Variants in ADGRA3 observed in about 807,000 individuals in gnomAD.
ADGRA3 encodes G-protein coupled receptor 125.
Under a neutral mutation model 119.8 loss-of-function variants are expected in ADGRA3, and 56 were observed. The ratio of observed to expected loss-of-function variants is 0.47; its 90% CI spans 0.38 to 0.58. The LOEUF is 0.58. ADGRA3 is among the 20% of genes least tolerant of loss of function. The probability of loss-of-function intolerance (pLI) is 0.00; values close to 1 mark genes in which losing one functional copy is unlikely to be tolerated. For missense variants in ADGRA3, 1,516 were observed against 1,649.0 expected (o/e 0.92, Z 1.40); for synonymous variants, 607 against 623.8 (o/e 0.97, Z 0.40).
chr4:22,465,935 C>A (rs1232815229), intron 2 of ADGRA3, among the ~76,000 whole-genome samples: 1 of 152,162 alleles, frequency 6.6e-6, no homozygotes, highest in Non-Finnish European at 1.5e-5. Flanking sequence ...TAACCCCCAC[C>A]CTTCCAATTA....
At position 22,413,376 on chromosome 4, in the gene ADGRA3, C is replaced by A. The variant is rs1445920836; in HGVS notation, c.2038G>T (p.Asp680Tyr). ...ACATTAACAGGGATGTGGTGGGTATCTACATTCACACCATCTGGAGAAAAT... is the reference window on the plus strand; with the variant it reads ...ACATTAACAGGGATGTGGTGGGTATATACATTCACACCATCTGGAGAAAAT... Reference protein sequence around the residue: ...ILTKIDGVNVDTHHIPVNVTL... With the variant: ...ILTKIDGVNVYTHHIPVNVTL... Residue 680 changes from aspartate (D) to tyrosine (Y), a missense_variant, in exon 14 of 19, where the codon GAT (aspartate) becomes TAT (tyrosine). Physicochemically the swap from Asp to Tyr is radical, Grantham distance 160. Transcript: ENST00000334304. 2 of 1,612,216 alleles carry A rather than the reference C, an allele frequency of 1.2e-6. No homozygotes were observed. The highest frequency in any genetic ancestry group is 4.5e-5 in the East Asian group (2 of 44,860).
chr4:22,434,171 T>C (rs1716301738), intron 10 of ADGRA3, among the ~76,000 whole-genome samples: 1 of 143,262 alleles, frequency 7.0e-6, no homozygotes, highest in Non-Finnish European at 1.5e-5. Flanking sequence ...AAATATGTAA[T>C]ATACATTAGA....
At chr4:22,500,800 T>G (rs768258262) in intron 1 of ADGRA3, among the ~76,000 whole-genome samples, 3 of 152,126 alleles carry the variant, frequency 2.0e-5, no homozygotes, top group African/African-American at 7.2e-5. Context: ...CTGAGTAAAG[T>G]AGATGATCCT....
At position 22,401,461 on chromosome 4, in the gene ADGRA3, G is replaced by C. The variant is rs776861694; in HGVS notation, c.2451C>G (p.Thr817=). The change falls in exon 16 of 19, where the codon ACC becomes ACG. Residue 817 remains threonine, a synonymous_variant. Transcript: ENST00000334304. ...GGCAGATGCTGGCATTCCTAGTCTGGGTTATTCCTCCCACAAAGACCACAC... is the reference window on the plus strand; with the variant it reads ...GGCAGATGCTGGCATTCCTAGTCTGCGTTATTCCTCCCACAAAGACCACAC... The part of the protein sequence containing the change: ...LTCVVFVGGI[T]QTRNASICQA... The C allele has an allele frequency of 5.6e-6, 9 of 1,610,184 alleles. No homozygotes were observed. In the Admixed American group the frequency reaches 1.5e-4, roughly 27 times the overall value.
At chr4:22,431,770 T>C (rs527662948) in intron 10 of ADGRA3, among the ~76,000 whole-genome samples, 25 of 152,288 alleles carry the variant, frequency 1.6e-4, no homozygotes, top group Non-Finnish European at 3.1e-4. Flanking sequence ...AATGGGTAAA[T>C]AATTGTCTTG....
chr4:22,444,843 A>C, intron 6 of ADGRA3, 130 bp downstream of exon 6: 1 of 888,640 alleles, frequency 1.1e-6, no homozygotes. Context: ...AATATTATCA[A>C]ATCCATAATG....
chr4:22,453,990 A>G (rs186020682), intron 4 of ADGRA3, among the ~76,000 whole-genome samples: 8 of 152,164 alleles, frequency 5.3e-5, no homozygotes, highest in African/African-American at 1.2e-4. Context: ...CCTCCCGAGT[A>G]GCTGGGACTA....
chr4:22,426,274 G>A (rs1715929306), intron 10 of ADGRA3, among the ~76,000 whole-genome samples: 1 of 152,038 alleles, frequency 6.6e-6, no homozygotes, highest in East Asian at 1.9e-4. Context: ...ATTAAAATAA[G>A]TTTTCTGACT....
chr4:22,445,924 T>G (rs1389542540), intron 5 of ADGRA3, among the ~76,000 whole-genome samples: 2 of 152,220 alleles, frequency 1.3e-5, no homozygotes, highest in Non-Finnish European at 2.9e-5. Flanking sequence ...TACTAAGCAC[T>G]GACTATTCAT....
In ADGRA3 at chr4:22,387,850, A is replaced by G. The variant is rs1713906468; in HGVS notation, c.3821T>C (p.Leu1274Pro). 6.2e-7 allele frequency: 1 copy of G among 1,614,150 alleles called. No homozygotes were observed. Among genetic ancestry groups the G allele is most frequent in the Non-Finnish European group, 8.5e-7 (1 of 1,180,002 alleles). ...GCCATAAGATTTTTGCTGATTTTCA[A>G]GTTCAACCACAGCTGGCTTCCTTAA... Reference protein sequence around the residue: ...DALRKPAVVELENQQKSYGLN... With the variant: ...DALRKPAVVEPENQQKSYGLN... Residue 1274 changes from leucine (L) to proline (P), a missense_variant, in exon 19 of 19, where the codon CTT becomes CCT. Physicochemically the swap from Leu to Pro is moderately conservative, Grantham distance 98. Coordinates refer to ENST00000334304, the MANE Select transcript of ADGRA3 (RefSeq NM_145290.4).
chr4:22,464,192 A>G (rs765852061), intron 2 of ADGRA3, among the ~76,000 whole-genome samples: 6 of 152,212 alleles, frequency 3.9e-5, no homozygotes, highest in Non-Finnish European at 7.3e-5. Context: ...TCTGATTACC[A>G]TCACTGGGTA....
At chr4:22,487,220 A>G (rs1393642193) in intron 1 of ADGRA3, among the ~76,000 whole-genome samples, 3 of 152,166 alleles carry the variant, frequency 2.0e-5, no homozygotes, top group Non-Finnish European at 1.5e-5. Context: ...GTATTTTTAA[A>G]TGAGCAAAAT....
At chr4:22,405,464 T>A (rs11722188) in intron 14 of ADGRA3, among the ~76,000 whole-genome samples, 25,861 of 151,600 alleles carry the variant, frequency 0.17, 2,347 homozygotes, top group Middle Eastern at 0.2. Flanking sequence ...GAGGATCACT[T>A]GAGCCAGGGA....
intron 16 of ADGRA3, among the ~76,000 whole-genome samples, chr4:22,400,439 A>T (rs1031086661): frequency 6.6e-6 from 1 of 152,194 alleles, no homozygotes; most frequent in African/African-American, 2.4e-5. Flanking sequence ...AAGTAAGTCA[A>T]TGAAGGACAA....
chr4:22,395,369 T>TATAG (rs1714307312), intron 16 of ADGRA3, among the ~76,000 whole-genome samples: 1 of 152,186 alleles, frequency 6.6e-6, no homozygotes, highest in Admixed American at 6.5e-5. Context: ...AATACAAGCA[T>TATAG]ATAGATGATG....
At chr4:22,466,051 C>T (rs531157916) in intron 2 of ADGRA3, among the ~76,000 whole-genome samples, 1 of 152,230 alleles carries the variant, frequency 6.6e-6, no homozygotes, top group South Asian at 2.1e-4. Context: ...TTGAAGTGAT[C>T]TTTTTAAACA....
At chr4:22,513,950 G>C (rs1719549981) in intron 1 of ADGRA3, among the ~76,000 whole-genome samples, 1 of 149,368 alleles carries the variant, frequency 6.7e-6, no homozygotes, top group East Asian at 2.0e-4. Context: ...AGTTTAATTG[G>C]TAATATGCTG....
rs973273736 is a variant in ADGRA3 at position 22,387,609 on chromosome 4, C to G, written c.*96G>C. On this transcript the variant is annotated 3_prime_UTR_variant, in exon 19 of 19. Transcript: ENST00000334304. ...AGTTTATTCCAAATTCTTTTGAATC[C>G]CTATGGTGGCTGTAAACAGTTTTTA... The G allele has an allele frequency of 8.4e-7, 1 of 1,186,024 alleles. No individual in the cohort carries two copies. The highest frequency in any genetic ancestry group is 2.5e-5 in the Admixed American group (1 of 40,176). The allele number at this position is 1,186,024 out of a possible 1,614,324, so 73.5% of individuals were successfully genotyped here. A position where few individuals can be genotyped will look rare whatever the true frequency, so the allele number is the denominator to read the frequency against.
rs1560329314 is a variant in ADGRA3, at chr4:22,461,731, A to G, written c.401+6T>C. The G allele has an allele frequency of 6.9e-6, 11 of 1,587,968 alleles. No homozygotes were observed. Among genetic ancestry groups the G allele is most frequent in the Non-Finnish European group, 9.5e-6 (11 of 1,160,822 alleles). ...AAACTCGTAAGCAAGCAATTCAAAC[A>G]CTTACAATCTTTTTAGAGATGACAG... On this transcript the variant is annotated splice_donor_region_variant and intron_variant, in intron 3 of 18. Coordinates refer to ENST00000334304, the MANE Select transcript of ADGRA3 (RefSeq NM_145290.4).
Sources: gnomAD v4.1 joint callset for allele counts (sites outside exome capture counted in the v4.1 genomes callset) on GRCh38, gnomAD v4.1.1 for gene constraint, MANE v1.5 for transcripts, NCBI Gene and HGNC (gene_info 2026-07-23, HGNC 2026-07-21) for gene names.